Variants in KALRN observed in about 807,000 individuals in gnomAD.
KALRN encodes kalirin RhoGEF kinase, also known as kalirin.
KALRN carries 70 observed loss-of-function variants against 353.7 expected under a neutral mutation model. That is an observed-to-expected ratio of 0.20 (90% CI 0.16 to 0.24). KALRN has a LOEUF of 0.24. Among genes scored for constraint, KALRN ranks in the 10% least tolerant of loss-of-function variants. The pLI is 1.00. For missense variants in KALRN, 2,791 were observed against 3,756.7 expected, an observed-to-expected ratio of 0.74 and a Z score of 6.72; for synonymous variants, 1,391 against 1,434.8, an observed-to-expected ratio of 0.97 and a Z score of 0.69.
At chr3:124,354,255 A>T (rs996313240) in intron 10 of KALRN, among the ~76,000 whole-genome samples, 1 of 152,252 alleles carries the variant, frequency 6.6e-6, no homozygotes, top group African/African-American at 2.4e-5. Context: ...ATTTGAAAGC[A>T]CAGGTGGTGT....
chr3:124,325,561 T>A (rs891508383), intron 6 of KALRN, among the ~76,000 whole-genome samples: 2 of 152,138 alleles, frequency 1.3e-5, no homozygotes, highest in Non-Finnish European at 2.9e-5. Context: ...GTGTCCTGGG[T>A]ACAGCTCTCC....
At chr3:124,156,277 C>A (rs2068982721) in intron 1 of KALRN, among the ~76,000 whole-genome samples, 1 of 152,200 alleles carries the variant, frequency 6.6e-6, no homozygotes, top group Non-Finnish European at 1.5e-5. Flanking sequence ...AGCAAACAAA[C>A]CTCATTGGAG....
intron 3 of KALRN, among the ~76,000 whole-genome samples, chr3:124,261,424 C>G (rs1397613201): frequency 6.6e-6 from 1 of 152,152 alleles, no homozygotes; most frequent in African/African-American, 2.4e-5. Context: ...CAGCTATGCC[C>G]CTTACTTGAA....
At chr3:124,660,643 T>G (rs1394912405) in intron 43 of KALRN, among the ~76,000 whole-genome samples, 1 of 134,024 alleles carries the variant, frequency 7.5e-6, no homozygotes, top group Non-Finnish European at 1.5e-5. Context: ...ATTGCACCAC[T>G]GCACTCCAGC....
intron 1 of KALRN, among the ~76,000 whole-genome samples, chr3:124,158,188 G>A (rs772226776): frequency 1.3e-5 from 2 of 152,200 alleles, no homozygotes; most frequent in Non-Finnish European, 2.9e-5. Context: ...AAGCAGGGAT[G>A]TTTGTGGCTG....
chr3:124,704,578 C>T (rs2062505630), intron 57 of KALRN, among the ~76,000 whole-genome samples: 1 of 151,900 alleles, frequency 6.6e-6, no homozygotes, highest in Non-Finnish European at 1.5e-5. Context: ...GACAGGGACT[C>T]ACTATGTTGC....
At chr3:124,542,308 G>A (rs189819819) in intron 33 of KALRN, among the ~76,000 whole-genome samples, 5 of 152,326 alleles carry the variant, frequency 3.3e-5, no homozygotes, top group African/African-American at 9.6e-5. Context: ...CTTAGTAGCC[G>A]TGTGACTTGG....
chr3:124,569,485 C>A (rs1440081969), intron 34 of KALRN, among the ~76,000 whole-genome samples: 1 of 152,202 alleles, frequency 6.6e-6, no homozygotes, highest in Admixed American at 6.5e-5. Context: ...GGGTCAGGTT[C>A]TGGGTTGCTT....
chr3:124,443,161 C>T (rs2093721864), intron 19 of KALRN, among the ~76,000 whole-genome samples: 1 of 152,150 alleles, frequency 6.6e-6, no homozygotes, highest in Admixed American at 6.5e-5. Context: ...AAATATATAA[C>T]TTTTAAAAAT....
chr3:124,374,512 A>C (rs373850195), intron 10 of KALRN: 1 of 152,266 alleles, frequency 6.6e-6, no homozygotes, highest in East Asian at 1.9e-4. Context: ...AAAGAGCACT[A>C]TGCTAACAGG....
At chr3:124,313,851 A>T (rs534705878) in intron 6 of KALRN, among the ~76,000 whole-genome samples, 2 of 152,224 alleles carry the variant, frequency 1.3e-5, no homozygotes, top group Non-Finnish European at 2.9e-5. Context: ...CTCTAAAGTT[A>T]TCAAATAATT....
At chr3:124,182,436 G>T (rs1255311492) in intron 1 of KALRN, among the ~76,000 whole-genome samples, 1 of 152,178 alleles carries the variant, frequency 6.6e-6, no homozygotes, top group Non-Finnish European at 1.5e-5. Flanking sequence ...TCAGTTTCTT[G>T]TTGCAGAGGC....
intron 10 of KALRN, among the ~76,000 whole-genome samples, chr3:124,376,870 T>C (rs1286580558): frequency 6.6e-6 from 1 of 152,004 alleles, no homozygotes; most frequent in African/African-American, 2.4e-5. Context: ...TCCTTTAAAG[T>C]GAATACAATT....
intron 33 of KALRN, among the ~76,000 whole-genome samples, chr3:124,559,689 T>C (rs2071706346): frequency 6.6e-6 from 1 of 152,234 alleles, no homozygotes; most frequent in Admixed American, 6.5e-5. Context: ...AATCTTACCC[T>C]ACAGCATCCC....
At chr3:124,294,520 C>CTTTTTTTTTCTT (rs2076688041) in intron 5 of KALRN, among the ~76,000 whole-genome samples, 1 of 73,894 alleles carries the variant, frequency 1.4e-5, no homozygotes, top group African/African-American at 5.1e-5. Context: ...AGATTCTCTT[C>CTTTTTTTTTCTT]TTTTTTTTTT....
chr3:124,306,175 A>T (rs1254028378), intron 6 of KALRN, among the ~76,000 whole-genome samples: 1 of 152,152 alleles, frequency 6.6e-6, no homozygotes, highest in Non-Finnish European at 1.5e-5. Flanking sequence ...CCTAGGCTCA[A>T]GCGGTCCTCC....
chr3:124,701,953 G>T (rs2062362106), intron 56 of KALRN, 85 bp from the exon 57 acceptor site: 1 of 1,008,596 alleles, frequency 9.9e-7, no homozygotes, highest in Non-Finnish European at 1.6e-6. Flanking sequence ...TTGCTTTGGG[G>T]TTACTCTGGA....
chr3:124,241,223 A>G (rs2080399519), intron 3 of KALRN, among the ~76,000 whole-genome samples: 1 of 152,230 alleles, frequency 6.6e-6, no homozygotes, highest in African/African-American at 2.4e-5. Flanking sequence ...GGTATAGTTC[A>G]GCACATATTT....
intron 10 of KALRN, among the ~76,000 whole-genome samples, chr3:124,356,474 C>T (rs1283232964): frequency 3.3e-5 from 5 of 151,986 alleles, no homozygotes; most frequent in Non-Finnish European, 7.4e-5. Flanking sequence ...GCTGGGATTA[C>T]AGGTGCCCGC....
Sources: gnomAD v4.1 joint callset for allele counts (sites outside exome capture counted in the v4.1 genomes callset) on GRCh38, gnomAD v4.1.1 for gene constraint, MANE v1.5 for transcripts, NCBI Gene and HGNC (gene_info 2026-07-23, HGNC 2026-07-21) for gene names.